The following HMGCS2 variants were observed in gnomAD, a reference collection of about 807,000 sequenced individuals.
HMGCS2 encodes hydroxymethylglutaryl-CoA synthase, mitochondrial.
HMGCS2 carries 50 observed loss-of-function variants against 57.4 expected under a neutral mutation model. The observed-to-expected ratio is 0.87, with a 90% CI of 0.69 to 1.10. HMGCS2 has a LOEUF of 1.10. Among genes scored for constraint, HMGCS2 ranks in the 50% least tolerant of loss-of-function variants. The pLI, the probability that HMGCS2 is intolerant of heterozygous loss-of-function variation, is 0.00. For synonymous variants in HMGCS2, 254 were observed against 245.1 expected, an observed-to-expected ratio of 1.04 and a Z score of -0.34; for missense variants, 627 against 636.5, an observed-to-expected ratio of 0.99 and a Z score of 0.16.
chr1:119,759,094 C>T, intron 4 of HMGCS2, 24 bp downstream of exon 4: 1 of 1,613,778 alleles, frequency 6.2e-7, no homozygotes, highest in Non-Finnish European at 8.5e-7. Context: ...AGAGCCCCCA[C>T]TTTCTGCCCT....
At chr1:119,760,061 A>C in intron 2 of HMGCS2, 72 bp from the exon 3 acceptor site, 1 of 1,410,654 alleles carries the variant, frequency 7.1e-7, no homozygotes. Flanking sequence ...ACTGTGTACC[A>C]GGCACAATTC....
intron 9 of HMGCS2, among the ~76,000 whole-genome samples, chr1:119,749,412 T>TCCCA (rs1396798469): frequency 7.8e-6 from 1 of 128,594 alleles, no homozygotes; most frequent in Non-Finnish European, 1.6e-5. Flanking sequence ...TCCCTATTTC[T>TCCCA]CCCACTCTTC....
chr1:119,758,876 G>A (rs1652939783), intron 4 of HMGCS2, among the ~76,000 whole-genome samples: 2 of 152,208 alleles, frequency 1.3e-5, no homozygotes, highest in South Asian at 2.1e-4. Flanking sequence ...TGGGGGCCTT[G>A]CCCTGGATTA....
intron 1 of HMGCS2, among the ~76,000 whole-genome samples, chr1:119,765,854 A>G (rs981375804): frequency 6.6e-6 from 1 of 152,164 alleles, no homozygotes; most frequent in Non-Finnish European, 1.5e-5. Context: ...TCCAATGTTT[A>G]TTGAGCACAC....
intron 5 of HMGCS2, 24 bp from the exon 6 acceptor site, chr1:119,755,621 A>G: frequency 6.2e-7 from 1 of 1,613,516 alleles, no homozygotes; most frequent in Non-Finnish European, 8.5e-7. Context: ...AGAGGTAGCC[A>G]TGTGAGAGGC....
At position 119,757,373 on chromosome 1, in the gene HMGCS2, T is replaced by G; in HGVS notation, c.916A>C (p.Lys306Gln). The G allele has an allele frequency of 6.2e-7, 1 of 1,614,194 alleles. No homozygotes were observed. The highest frequency in any genetic ancestry group is 8.5e-7 in the Non-Finnish European group (1 of 1,180,042). The change falls in exon 5 of 10, where the codon AAG (lysine) becomes CAG (glutamine). Residue 306 changes from lysine to glutamine, a missense_variant. By Grantham distance (53) the Lys-to-Gln change is moderately conservative. Coordinates refer to ENST00000369406, the MANE Select transcript of HMGCS2 (RefSeq NM_005518.4). ...CGAGCCAGAGACTTCTGGACCATCT[T>G]GCAAAAGGGTGTATGAAAGATCATG... ...QYMIFHTPFC[K>Q]MVQKSLARLM...
intron 9 of HMGCS2, among the ~76,000 whole-genome samples, chr1:119,750,539 T>C (rs1652619823): frequency 6.6e-6 from 1 of 152,156 alleles, no homozygotes; most frequent in Non-Finnish European, 1.5e-5. Flanking sequence ...ATGGTACAAA[T>C]CCCCACTTCT....
In HMGCS2 at chr1:119,764,243, G is replaced by T. The variant is rs1486964047; in HGVS notation, c.488C>A (p.Thr163Asn). 6.2e-7 allele frequency: 1 copy of T among 1,614,044 alleles called. No individual in the cohort carries two copies. The highest frequency in any genetic ancestry group is 1.1e-5 in the South Asian group (1 of 91,078). Residue 163 changes from threonine (T) to asparagine (N), a missense_variant, in exon 2 of 10, where the codon ACC (threonine) becomes AAC (asparagine). By Grantham distance (65) the Thr-to-Asn change is moderately conservative. Transcript: ENST00000369406. ...GGCAGTACCACCGTAGCAGGCATTG[G>T]TGGTATCTATGCCCTCAATATCAGT... Reference protein sequence around the residue: ...GNTDIEGIDTTNACYGGTASL... With the variant: ...GNTDIEGIDTNNACYGGTASL...
At chr1:119,760,249 T>C (rs1263323844) in intron 2 of HMGCS2, among the ~76,000 whole-genome samples, 2 of 152,236 alleles carry the variant, frequency 1.3e-5, no homozygotes, top group East Asian at 1.9e-4. Flanking sequence ...ATGTGTTAAT[T>C]CGCACTTTTG....
chr1:119,760,396 T>G (rs1292545069), intron 2 of HMGCS2, among the ~76,000 whole-genome samples: 2 of 152,196 alleles, frequency 1.3e-5, no homozygotes, highest in Non-Finnish European at 2.9e-5. Context: ...TAGTTAACCT[T>G]AAACAATTCT....
At position 119,750,777 on chromosome 1, in the gene HMGCS2, C is replaced by G. The variant is rs770300273; in HGVS notation, c.*5+20G>C. The G allele has an allele frequency of 4.6e-6, 7 of 1,520,884 alleles. No homozygotes were observed. The allele number at this position is 1,520,884 out of a possible 1,614,324, so 94.2% of individuals were successfully genotyped here. On this transcript the variant is annotated intron_variant, in intron 9 of 9. Transcript: ENST00000369406. ...AGACATTAGGGTTTTATGCCACCAACTCTGCAAACTCTCACTCACCACCTT... is the reference window on the plus strand; with the variant it reads ...AGACATTAGGGTTTTATGCCACCAAGTCTGCAAACTCTCACTCACCACCTT...
chr1:119,754,189 T>C (rs1454685717), intron 6 of HMGCS2, among the ~76,000 whole-genome samples: 1 of 152,090 alleles, frequency 6.6e-6, no homozygotes, highest in East Asian at 1.9e-4. Flanking sequence ...CTCGAGTTGC[T>C]GGGACTACAG....
intron 1 of HMGCS2, 118 bp from the exon 2 acceptor site, chr1:119,764,744 G>T: frequency 1.3e-6 from 1 of 792,208 alleles, no homozygotes. Flanking sequence ...GTTATCAGAT[G>T]ACTACAAATT....
intron 2 of HMGCS2, among the ~76,000 whole-genome samples, chr1:119,763,970 AT>A (rs1266047257): frequency 6.6e-6 from 1 of 152,238 alleles, no homozygotes; most frequent in Non-Finnish European, 1.5e-5. Flanking sequence ...TAAGAATTAA[AT>A]GAATGGCTAT....
At position 119,752,537 on chromosome 1, in the gene HMGCS2, CTT is replaced by C; in HGVS notation, c.1420+10_1420+11del. The C allele has an allele frequency of 6.2e-7, 1 of 1,613,662 alleles. No individual in the cohort carries two copies. Among genetic ancestry groups the C allele is most frequent in the Non-Finnish European group, 8.5e-7 (1 of 1,179,698 alleles). On this transcript the variant is annotated intron_variant, in intron 8 of 9. Coordinates refer to ENST00000369406, the MANE Select transcript of HMGCS2 (RefSeq NM_005518.4). ...GGGGTCTCTCTTCCTCTCTTCCTGA[CTT>C]TTTTCTTACCCTTATGGTAGAATTG...
At chr1:119,755,307 C>T in intron 6 of HMGCS2, 120 bp downstream of exon 6, 2 of 987,768 alleles carry the variant, frequency 2.0e-6, no homozygotes, top group Non-Finnish European at 1.6e-6. Context: ...TACACCAGGC[C>T]CCTTCCTTTC....
chr1:119,756,040 T>G (rs11576856), intron 5 of HMGCS2, among the ~76,000 whole-genome samples: 71 of 152,286 alleles, frequency 4.7e-4, no homozygotes, highest in Non-Finnish European at 8.4e-4. Context: ...AGCGAATAGG[T>G]AGGTGTTCTT....
intron 8 of HMGCS2, among the ~76,000 whole-genome samples, chr1:119,752,252 G>A (rs1183371074): frequency 6.6e-6 from 1 of 152,138 alleles, no homozygotes; most frequent in Non-Finnish European, 1.5e-5. Flanking sequence ...TTCAACTGTT[G>A]CAGATGGTAT....
chr1:119,765,302 G>A (rs964651164), intron 1 of HMGCS2, among the ~76,000 whole-genome samples: 1 of 152,016 alleles, frequency 6.6e-6, no homozygotes, highest in African/African-American at 2.4e-5. Context: ...TAGAGACAGG[G>A]TTTCACCGTG....
Sources: allele counts gnomAD v4.1 joint callset (sites outside exome capture counted in the v4.1 genomes callset), GRCh38; gene constraint gnomAD v4.1.1; transcripts MANE v1.5; gene names NCBI Gene and HGNC (gene_info 2026-07-23, HGNC 2026-07-21).